Variants in KCNK12 observed in about 807,000 individuals in gnomAD.
KCNK12 encodes potassium channel subfamily K member 12.
A neutral mutation model predicts 25.3 loss-of-function variants in KCNK12; 6 were observed. The observed-to-expected ratio is 0.24, with a 90% confidence interval of 0.13 to 0.47. The LOEUF (loss-of-function observed/expected upper bound fraction) is 0.47, where lower values mean the gene tolerates loss of function less well. Among genes scored for constraint, KCNK12 ranks in the 20% least tolerant of loss-of-function variants. The probability of loss-of-function intolerance (pLI) is 0.99; values close to 1 mark genes in which losing one functional copy is unlikely to be tolerated. For missense variants in KCNK12, 444 were observed against 661.7 expected (o/e 0.67, Z 3.61); for synonymous variants, 331 against 311.1 (o/e 1.06, Z -0.67).
In KCNK12 at chr2:47,521,638, C is replaced by G; in HGVS notation, c.562G>C (p.Gly188Arg). The change falls in exon 2 of 2, where the codon GGC (glycine) becomes CGC (arginine). Residue 188 changes from glycine (G) to arginine (R), a missense_variant. By Grantham distance (125) the Gly-to-Arg change is moderately radical (BLOSUM62 -2). Around this residue, in one of 8 missense-constraint regions of KCNK12, gnomAD observed 36 missense variants for 36.4 expected, o/e 0.99. Coordinates refer to ENST00000327876, the MANE Select transcript of KCNK12 (RefSeq NM_022055.2). ...ACRERQLRRS[G>R]LLPATFRRGS... ...CGGCGGAAGGTGGCGGGCAGCAGGCCGCTGCGGCGCAGCTGGCGCTCCCGG... is the reference window on the plus strand; with the variant it reads ...CGGCGGAAGGTGGCGGGCAGCAGGCGGCTGCGGCGCAGCTGGCGCTCCCGG... 1 of 1,586,098 alleles carries G rather than the reference C, an allele frequency of 6.3e-7. No individual in the cohort carries two copies. The highest frequency in any genetic ancestry group is 2.3e-5 in the East Asian group (1 of 44,010).
At chr2:47,545,670 A>G (rs112836850) in intron 1 of KCNK12, among the ~76,000 whole-genome samples, 31 of 152,312 alleles carry the variant, frequency 2.0e-4, no homozygotes, top group African/African-American at 5.3e-4. Flanking sequence ...TTTTGCCTCA[A>G]TTTCCTCATC....
intron 1 of KCNK12, among the ~76,000 whole-genome samples, chr2:47,558,440 C>A (rs1048859641): frequency 1.3e-5 from 2 of 152,214 alleles, no homozygotes; most frequent in East Asian, 1.9e-4. Context: ...CTTTCTTTCC[C>A]GACCTTCCAT....
chr2:47,568,528 C>T (rs1669826445), intron 1 of KCNK12, among the ~76,000 whole-genome samples: 1 of 152,130 alleles, frequency 6.6e-6, no homozygotes, highest in Admixed American at 6.5e-5. Context: ...TCATTGAAGG[C>T]AAGGAAGTGC....
Position 47,528,610 on chromosome 2 carries a change from C to T in KCNK12, c.392-6802G>A, listed in dbSNP as rs1026631127. 1.3e-5 allele frequency among the ~76,000 whole-genome samples: 2 copies of T among 152,026 alleles called. No individual in the cohort carries two copies. The highest frequency in any genetic ancestry group is 2.1e-4 in the South Asian group (1 of 4,820). On this transcript the variant is annotated intron_variant, in intron 1 of 1. Transcript: ENST00000327876. The surrounding 1 kb of genome is among the most constrained non-coding windows in gnomAD (Gnocchi z 4.5). ...ATCTCCTCCTCCCCCTCAATCACAC[C>T]CTGCAGAGGCGTGATCTGTCCCTGG...
chr2:47,554,890 C>T (rs1417297711), intron 1 of KCNK12, among the ~76,000 whole-genome samples: 7 of 152,066 alleles, frequency 4.6e-5, no homozygotes, highest in East Asian at 3.9e-4. Flanking sequence ...ATGTATTATG[C>T]GGATTGAGCT....
At position 47,562,965 on chromosome 2, in the gene KCNK12, C is replaced by T. The variant is rs889903681; in HGVS notation, c.391+6976G>A. On this transcript the variant is annotated intron_variant, in intron 1 of 1. Transcript: ENST00000327876. The surrounding 1 kb of genome is among the most constrained non-coding windows in gnomAD (Gnocchi z 4.8). ...ACCCCGGAAAGTCAGTGGAACTGGA[C>T]GGAAAAAATGGAAGGGCCAGAAAAC... The T allele has an allele frequency of 1.2e-4, 27 of 233,284 alleles. No individual in the cohort carries two copies. Among genetic ancestry groups the T allele is most frequent in the South Asian group, 1.8e-4 (1 of 5,524 alleles). The allele number at this position is 233,284 out of a possible 1,614,324, so 14.5% of individuals were successfully genotyped here.
intron 1 of KCNK12, among the ~76,000 whole-genome samples, chr2:47,561,694 A>G (rs1669675296): frequency 6.6e-6 from 1 of 152,226 alleles, no homozygotes. Flanking sequence ...CAGTCTTTAA[A>G]GTAACCCCAT....
At chr2:47,526,174 C>T (rs1668766524) in intron 1 of KCNK12, among the ~76,000 whole-genome samples, 2 of 150,954 alleles carry the variant, frequency 1.3e-5, no homozygotes, top group South Asian at 4.2e-4. Flanking sequence ...GTGGGCAGGT[C>T]ACTTGAGGTC....
In KCNK12 at chr2:47,570,014, GC is replaced by G; in HGVS notation, c.317del (p.Arg106ProfsTer25). The G allele has an allele frequency of 7.0e-7, 1 of 1,427,160 alleles. No homozygotes were observed. The highest frequency in any genetic ancestry group is 3.1e-5 in the Admixed American group (1 of 32,220). The allele number at this position is 1,427,160 out of a possible 1,614,324, so 88.4% of individuals were successfully genotyped here. ...HYEAALAAGVRADALRPRWDF... is the reference protein window; with the variant it reads ...HYEAALAAGVXADALRPRWDF... ...CCCAGCGCGGGCGCAGCGCGTCGGC[GC>G]GGACGCCGGCGGCCAGCGCGGCCTC... is the stretch of plus-strand genomic sequence containing the variant. On this transcript the variant is annotated frameshift_variant, in exon 1 of 2. Transcript: ENST00000327876. LOFTEE classifies it high-confidence loss of function.
Position 47,569,755 on chromosome 2 carries a change from G to T in KCNK12, c.391+186C>A, listed in dbSNP as rs536905658. 1.3e-5 allele frequency among the ~76,000 whole-genome samples: 2 copies of T among 152,294 alleles called. No individual in the cohort carries two copies. The highest frequency in any genetic ancestry group is 4.1e-4 in the South Asian group (2 of 4,828). ...CAGAGGTGGGCTTTCTTCCCTCACT[G>T]AAAGCCGGGAGGGAGAGAGAGAGAG... On this transcript the variant is annotated intron_variant, in intron 1 of 1. Transcript: ENST00000327876. The surrounding 1 kb of genome is among the most constrained non-coding windows in gnomAD (Gnocchi z 4.1).
intron 1 of KCNK12, among the ~76,000 whole-genome samples, chr2:47,568,607 C>G (rs1558568434): frequency 1.3e-5 from 2 of 152,150 alleles, no homozygotes; most frequent in African/African-American, 4.8e-5. Context: ...ATGGAGGCAG[C>G]CTCTCTCCCT....
rs1035937666 is a variant in KCNK12 at position 47,569,442 on chromosome 2, G to C, written c.391+499C>G. Among the ~76,000 whole-genome samples the C allele has an allele frequency of 3.3e-5, 5 of 151,816 alleles. No individual in the cohort carries two copies. Among genetic ancestry groups the C allele is most frequent in the Non-Finnish European group, 7.4e-5 (5 of 67,928 alleles). On this transcript the variant is annotated intron_variant, in intron 1 of 1. Coordinates refer to ENST00000327876, the MANE Select transcript of KCNK12 (RefSeq NM_022055.2). The surrounding 1 kb of genome is among the most constrained non-coding windows in gnomAD (Gnocchi z 4.1). ...TGTAGGGAAAGTGATCCTGGGGCAA[G>C]TGGTCACCCTCTCCAGGGTAAAGGA... is the stretch of plus-strand genomic sequence containing the variant.
At chr2:47,535,874 G>A (rs1178447819) in intron 1 of KCNK12, among the ~76,000 whole-genome samples, 1 of 152,154 alleles carries the variant, frequency 6.6e-6, no homozygotes, top group Non-Finnish European at 1.5e-5. Context: ...GTCAGACCCT[G>A]TGCGATAGAA....
rs938157181 is a variant in KCNK12 at position 47,551,135 on chromosome 2, C to T, written c.391+18806G>A. On this transcript the variant is annotated intron_variant, in intron 1 of 1. Coordinates refer to ENST00000327876, the MANE Select transcript of KCNK12 (RefSeq NM_022055.2). This position sits in a 1 kb window ranked among gnomAD's most constrained non-coding sequence, Gnocchi z 5.3. ...TGCATGACCTAGTCTCTGGCTACTG[C>T]TCTGAGCTCACATTCTAACTCCCAC... Among the ~76,000 whole-genome samples the T allele has an allele frequency of 6.6e-6, 1 of 152,178 alleles. No homozygotes were observed. The highest frequency in any genetic ancestry group is 6.5e-5 in the Admixed American group (1 of 15,278).
chr2:47,521,441 G>C lies in KCNK12; in HGVS notation c.759C>G (p.Thr253=). Residue 253 remains threonine, a synonymous_variant, in exon 2 of 2, where the codon ACC becomes ACG. Transcript: ENST00000327876. ...YVDSLYFCFV[T]FSTIGFGDLV... ...GGTCCCCGAAGCCGATGGTGCTGAA[G>C]GTGACGAAGCAGAAGTAGAGCGAGT... The C allele has an allele frequency of 6.2e-7, 1 of 1,613,390 alleles. No homozygotes were observed. The highest frequency in any genetic ancestry group is 8.5e-7 in the Non-Finnish European group (1 of 1,179,766).
intron 1 of KCNK12, among the ~76,000 whole-genome samples, chr2:47,534,348 T>A (rs112061224): frequency 1.2e-3 from 175 of 152,052 alleles, no homozygotes; most frequent in African/African-American, 4.1e-3. Context: ...AGCTCCCGTT[T>A]AACAACCTCT....
rs1411747889 is a variant in KCNK12, at chr2:47,556,690, A to G, written c.391+13251T>C. Among the ~76,000 whole-genome samples the G allele has an allele frequency of 1.3e-5, 2 of 152,232 alleles. No individual in the cohort carries two copies. Among genetic ancestry groups the G allele is most frequent in the Non-Finnish European group, 2.9e-5 (2 of 68,050 alleles). ...GCAAGGAAGTTAAGGGTCTCTGAAA[A>G]GGGAATGAATCCAAGCTGAGTTAAA... is the stretch of plus-strand genomic sequence containing the variant. On this transcript the variant is annotated intron_variant, in intron 1 of 1. Transcript: ENST00000327876. This position sits in a 1 kb window ranked among gnomAD's most constrained non-coding sequence, Gnocchi z 4.8.
intron 1 of KCNK12, among the ~76,000 whole-genome samples, chr2:47,524,985 T>C (rs1443168367): frequency 6.6e-6 from 1 of 152,204 alleles, no homozygotes; most frequent in Non-Finnish European, 1.5e-5. Flanking sequence ...GATAACTCTG[T>C]TAAATTCCTA....
At chr2:47,524,640 G>A (rs1426634856) in intron 1 of KCNK12, among the ~76,000 whole-genome samples, 1 of 152,206 alleles carries the variant, frequency 6.6e-6, no homozygotes, top group Non-Finnish European at 1.5e-5. Flanking sequence ...AGGGGACATA[G>A]GGGACCTCTG....
Sources: gnomAD v4.1 joint callset for allele counts (sites outside exome capture counted in the v4.1 genomes callset) on GRCh38, gnomAD v4.1.1 for gene constraint, gnomAD v4.1.1 regional missense constraint, Gnocchi (gnomAD v3.1) non-coding constraint, MANE v1.5 for transcripts, NCBI Gene and HGNC (gene_info 2026-07-23, HGNC 2026-07-21) for gene names.